GDPD4: variants seen among roughly 807,000 people sequenced by gnomAD.
GDPD4 encodes glycerophosphodiester phosphodiesterase 6.
A neutral mutation model predicts 67.8 loss-of-function variants in GDPD4; 60 were observed. That is an observed-to-expected ratio of 0.88 (90% CI 0.72 to 1.10). GDPD4 has a LOEUF of 1.10. Among genes scored for constraint, GDPD4 ranks in the 50% least tolerant of loss-of-function variants. The pLI is 0.00. For synonymous variants in GDPD4, 212 were observed against 210.9 expected, an observed-to-expected ratio of 1.00 and a Z score of -0.04; for missense variants, 623 against 613.9, an observed-to-expected ratio of 1.01 and a Z score of -0.16.
At chr11:77,220,567 G>T (rs577342295) in intron 16 of GDPD4, among the ~76,000 whole-genome samples, 2 of 152,244 alleles carry the variant, frequency 1.3e-5, no homozygotes, top group African/African-American at 2.4e-5. Context: ...ACTTGATCTT[G>T]GTAGATTAGC....
In GDPD4 at chr11:77,243,676, G is replaced by A. The variant is rs1248205344; in HGVS notation, c.1241+18C>T. ...AGTAAGGCAATATGTGCCAAGAGAG[G>A]TGTGGTCAAACACTTACCTTAACCC... On this transcript the variant is annotated intron_variant, in intron 13 of 16. Coordinates refer to ENST00000315938, the MANE Select transcript of GDPD4 (RefSeq NM_182833.3). 1 of 1,599,222 alleles carries A rather than the reference G, an allele frequency of 6.3e-7. No individual in the cohort carries two copies. The highest frequency in any genetic ancestry group is 1.7e-5 in the Admixed American group (1 of 59,858).
rs1959198542 is a variant in GDPD4, at chr11:77,269,860, AAATCT to A, written c.478+18_478+22del. On this transcript the variant is annotated intron_variant, in intron 8 of 16. Coordinates refer to ENST00000315938, the MANE Select transcript of GDPD4 (RefSeq NM_182833.3). ...TACCACCTTTGCTTTAGTGACTTTC[AAATCT>A]CAGTCTCCAGCTCTAACCTCTTAAC... 7.2e-7 allele frequency: 1 copy of A among 1,382,702 alleles called. No homozygotes were observed. The highest frequency in any genetic ancestry group is 1.5e-5 in the African/African-American group (1 of 68,666). 85.7% of individuals were successfully genotyped at this position (1,382,702 alleles called of 1,614,324 possible).
intron 13 of GDPD4, among the ~76,000 whole-genome samples, chr11:77,243,340 TGGTA>T (rs1958709413): frequency 6.6e-6 from 1 of 152,200 alleles, no homozygotes; most frequent in African/African-American, 2.4e-5. Flanking sequence ...CATCTGGTAA[TGGTA>T]GGAGGAAATA....
At chr11:77,281,445 A>G (rs1442481681) in intron 3 of GDPD4, among the ~76,000 whole-genome samples, 1 of 152,206 alleles carries the variant, frequency 6.6e-6, no homozygotes, top group East Asian at 1.9e-4. Context: ...CGGTTACCCT[A>G]CCAAAAAATT....
chr11:77,242,281 A>G (rs1565516576), intron 13 of GDPD4, among the ~76,000 whole-genome samples: 1 of 152,222 alleles, frequency 6.6e-6, no homozygotes, highest in Non-Finnish European at 1.5e-5. Flanking sequence ...CTATAAATAT[A>G]TACAGTTATG....
chr11:77,227,878 G>A lies in GDPD4; in HGVS notation c.1511C>T (p.Ser504Phe). Residue 504 changes from serine (S) to phenylalanine (F), a missense_variant, in exon 16 of 17, where the codon TCC becomes TTC. Transcript: ENST00000315938. ...TCTGACTTTACCTGTGCGAGTGCTGGAGGTTTCAAACAATTTTTCTTTTTC... is the reference window on the plus strand; with the variant it reads ...TCTGACTTTACCTGTGCGAGTGCTGAAGGTTTCAAACAATTTTTCTTTTTC... The part of the protein sequence containing the change: ...ETEKEKLFET[S>F]STRTDTQSGS... 6.2e-7 allele frequency: 1 copy of A among 1,613,514 alleles called. No individual in the cohort carries two copies. The highest frequency in any genetic ancestry group is 1.3e-5 in the African/African-American group (1 of 75,012).
At chr11:77,261,279 C>T (rs902035313) in intron 10 of GDPD4, among the ~76,000 whole-genome samples, 1 of 151,974 alleles carries the variant, frequency 6.6e-6, no homozygotes, top group African/African-American at 2.4e-5. Flanking sequence ...ACTCTGTCAC[C>T]CAGGCTGGAG....
chr11:77,231,954 G>A (rs576310040), intron 14 of GDPD4, among the ~76,000 whole-genome samples: 3 of 152,222 alleles, frequency 2.0e-5, no homozygotes, highest in African/African-American at 7.2e-5. Flanking sequence ...TCTACCAGAG[G>A]GCCTAGATGC....
intron 16 of GDPD4, among the ~76,000 whole-genome samples, chr11:77,226,688 G>A (rs150867525): frequency 4.7e-4 from 72 of 152,238 alleles, no homozygotes; most frequent in African/African-American, 1.1e-3. Flanking sequence ...AGCTGCAATC[G>A]TCAGTTAGCT....
intron 11 of GDPD4, among the ~76,000 whole-genome samples, chr11:77,257,796 T>A (rs977173826): frequency 2.6e-5 from 4 of 152,156 alleles, no homozygotes; most frequent in African/African-American, 9.7e-5. Context: ...CCATTATTAG[T>A]CTATACATCT....
intron 13 of GDPD4, among the ~76,000 whole-genome samples, chr11:77,240,463 T>A (rs1051979549): frequency 6.6e-6 from 1 of 152,174 alleles, no homozygotes; most frequent in Non-Finnish European, 1.5e-5. Flanking sequence ...GGCCCTTATC[T>A]CATACCACAT....
intron 11 of GDPD4, among the ~76,000 whole-genome samples, chr11:77,252,750 A>G (rs1490930819): frequency 6.6e-6 from 1 of 152,200 alleles, no homozygotes; most frequent in Non-Finnish European, 1.5e-5. Context: ...GTGCAGTGGT[A>G]TAGTCTCTGT....
At chr11:77,228,725 A>C (rs1262711097) in intron 15 of GDPD4, among the ~76,000 whole-genome samples, 1 of 152,116 alleles carries the variant, frequency 6.6e-6, no homozygotes, top group Admixed American at 6.6e-5. Flanking sequence ...GCCCAGAAAG[A>C]AGCAGTTGTT....
Position 77,276,183 on chromosome 11 carries a change from A to G in GDPD4, c.185T>C (p.Leu62Pro), listed in dbSNP as rs1959457981. 1 of 1,613,630 alleles carries G rather than the reference A, an allele frequency of 6.2e-7. No homozygotes were observed. Among genetic ancestry groups the G allele is most frequent in the Non-Finnish European group, 8.5e-7 (1 of 1,179,532 alleles). Residue 62 changes from leucine (L) to proline (P), a missense_variant, in exon 5 of 17, where the codon CTA becomes CCA. Transcript: ENST00000315938. ...TACCTTATGACACAAGTGCAGGTATAGTTCAATCCTTTCCCAAAGCAACAA... is the reference window on the plus strand; with the variant it reads ...TACCTTATGACACAAGTGCAGGTATGGTTCAATCCTTTCCCAAAGCAACAA... ...GFLLLWERIE[L>P]YLHLCHKILI...
intron 11 of GDPD4, among the ~76,000 whole-genome samples, chr11:77,253,100 G>C (rs894632940): frequency 6.6e-6 from 1 of 152,180 alleles, no homozygotes; most frequent in African/African-American, 2.4e-5. Flanking sequence ...GTTGGACATA[G>C]GTTGCCCACA....
chr11:77,257,637 G>C (rs565253142), intron 11 of GDPD4, among the ~76,000 whole-genome samples: 7 of 148,606 alleles, frequency 4.7e-5, no homozygotes. Flanking sequence ...CATCATTACT[G>C]CCCTTGCTTC....
chr11:77,268,151 A>G lies in GDPD4; in HGVS notation c.707+306T>C, dbSNP rs147185724. Reference sequence around the variant, plus strand: ...ACAGCAAATGCTCAAGGAATGTTAAATAAATTGCTAAGGTAGTACATAGAG... The same window carrying G: ...ACAGCAAATGCTCAAGGAATGTTAAGTAAATTGCTAAGGTAGTACATAGAG... On this transcript the variant is annotated intron_variant, in intron 10 of 16. Transcript: ENST00000315938. Among the ~76,000 whole-genome samples, 26 of 152,258 alleles carry G rather than the reference A, an allele frequency of 1.7e-4. No homozygotes were observed. In the East Asian group the frequency reaches 4.3e-3, roughly 25 times the overall value.
intron 13 of GDPD4, among the ~76,000 whole-genome samples, chr11:77,233,446 G>GAAAAAAAAAAAAAAAAAAA (rs34507126): frequency 1.0e-5 from 1 of 100,400 alleles, no homozygotes; most frequent in Non-Finnish European, 1.9e-5. Flanking sequence ...AAAACATATT[G>GAAAAAAAAAAAAAAAAAAA]AAAAAAAAAA....
chr11:77,234,652 T>C (rs770978559), intron 13 of GDPD4, among the ~76,000 whole-genome samples: 17 of 152,196 alleles, frequency 1.1e-4, no homozygotes, highest in Non-Finnish European at 2.2e-4. Context: ...TCCAGCTTCA[T>C]CTATGTGCTG....
Sources: allele counts gnomAD v4.1 joint callset (sites outside exome capture counted in the v4.1 genomes callset), GRCh38; gene constraint gnomAD v4.1.1; transcripts MANE v1.5; gene names NCBI Gene and HGNC (gene_info 2026-07-23, HGNC 2026-07-21).